The following ZSCAN25 variants were observed in gnomAD, a reference collection of about 807,000 sequenced individuals.
ZSCAN25 encodes zinc finger and SCAN domain containing 25, also known as zinc finger and SCAN domain-containing protein 25.
A neutral mutation model predicts 38.7 loss-of-function variants in ZSCAN25; 27 were observed. The ratio of observed to expected loss-of-function variants is 0.70; its 90% confidence interval spans 0.51 to 0.96. The LOEUF is 0.96. Ranked by LOEUF, ZSCAN25 falls within the 40% of genes least tolerant of loss-of-function variation. The pLI is 0.00. For missense variants in ZSCAN25, 637 were observed against 705.9 expected (o/e 0.90, Z 1.11); for synonymous variants, 273 against 277.7 (o/e 0.98, Z 0.17).
the ZSCAN25 span, chr7:99,710,658 C>T: frequency 6.2e-7 from 1 of 1,609,938 alleles, no homozygotes; most frequent in South Asian, 1.1e-5. Flanking sequence ...TAAAAATTCT[C>T]CTGGGAAGTG....
the ZSCAN25 span, among the ~76,000 whole-genome samples, chr7:99,669,287 G>A: frequency 2.2e-4 from 33 of 152,268 alleles, no homozygotes; most frequent in Admixed American, 8.5e-4. Flanking sequence ...ATGCAAAAAC[G>A]TGCTGACAAA....
chr7:99,628,239 A>G (rs1414475746), intron 7 of ZSCAN25, among the ~76,000 whole-genome samples: 2 of 152,230 alleles, frequency 1.3e-5, no homozygotes, highest in Non-Finnish European at 2.9e-5. Flanking sequence ...GCTGATAAGT[A>G]TGTATTTCAT....
chr7:99,679,764 A>G, the ZSCAN25 span: 6 of 1,486,754 alleles, frequency 4.0e-6, no homozygotes, highest in Non-Finnish European at 4.7e-6. Context: ...ATAAGGGAAA[A>G]GGGGCCCGAT....
intron 4 of ZSCAN25, 32 bp from the exon 5 acceptor site, chr7:99,621,341 T>G (rs752358533): frequency 7.5e-7 from 1 of 1,328,906 alleles, no homozygotes; most frequent in Non-Finnish European, 9.7e-7. Context: ...TGCCCAGGCC[T>G]CATTCTAATC....
chr7:99,654,853 A>C, the ZSCAN25 span, among the ~76,000 whole-genome samples: 6 of 152,120 alleles, frequency 3.9e-5, no homozygotes, highest in Non-Finnish European at 7.4e-5. Context: ...ACATTTTTTC[A>C]TGTGTCTATT....
chr7:99,707,811 C>T, the ZSCAN25 span: 1 of 1,613,698 alleles, frequency 6.2e-7, no homozygotes, highest in Middle Eastern at 1.7e-4. Context: ...AATTGACTGA[C>T]CTGTGTTTCT....
the ZSCAN25 span, among the ~76,000 whole-genome samples, chr7:99,712,020 A>G: frequency 1.3e-5 from 2 of 152,176 alleles, no homozygotes; most frequent in African/African-American, 4.8e-5. Flanking sequence ...GTGGTGATTG[A>G]TTGCAGTCTG....
At chr7:99,641,824 C>T in the ZSCAN25 span, among the ~76,000 whole-genome samples, 1 of 152,206 alleles carries the variant, frequency 6.6e-6, no homozygotes, top group Non-Finnish European at 1.5e-5. Context: ...GCTTCAGGTC[C>T]AATCCACCAT....
chr7:99,619,728 T>C lies in ZSCAN25; in HGVS notation c.122T>C (p.Phe41Ser). ...RGREDPSPET[F>S]RLRFRQFRYQ... ...AGGGAGGACCCTAGTCCAGAGACTTTTCGGCTGAGGTTTCGGCAGTTCCGC... is the reference window on the plus strand; with the variant it reads ...AGGGAGGACCCTAGTCCAGAGACTTCTCGGCTGAGGTTTCGGCAGTTCCGC... Residue 41 changes from phenylalanine (F) to serine (S), a missense_variant, in exon 4 of 8, where the codon TTT (phenylalanine) becomes TCT (serine). Transcript: ENST00000394152. The C allele has an allele frequency of 6.2e-7, 1 of 1,614,248 alleles. No individual in the cohort carries two copies. Among genetic ancestry groups the C allele is most frequent in the Non-Finnish European group, 8.5e-7 (1 of 1,180,038 alleles).
At chr7:99,688,780 C>T in the ZSCAN25 span, among the ~76,000 whole-genome samples, 17 of 152,170 alleles carry the variant, frequency 1.1e-4, no homozygotes, top group Admixed American at 8.5e-4. Flanking sequence ...AAGCACTCCT[C>T]AGCAAATGTA....
At chr7:99,674,939 A>G in the ZSCAN25 span, among the ~76,000 whole-genome samples, 1 of 152,226 alleles carries the variant, frequency 6.6e-6, no homozygotes, top group African/African-American at 2.4e-5. Flanking sequence ...GGTGAAACTG[A>G]GGTGAGGAAA....
In ZSCAN25 at chr7:99,631,361, A is replaced by T. The variant is rs1807984194; in HGVS notation, c.*1341A>T. 1 of 985,160 alleles carries T rather than the reference A, an allele frequency of 1.0e-6. No individual in the cohort carries two copies. The highest frequency in any genetic ancestry group is 1.2e-6 in the Non-Finnish European group (1 of 829,786). The allele number at this position is 985,160 out of a possible 1,614,324, so 61.0% of individuals were successfully genotyped here. The stretch of plus-strand genomic sequence containing the variant: ...AAGATATTTGTAGGCATTAAAAAAA[A>T]ATACATTTCTTTAAAAATGAGAAGA... On this transcript the variant is annotated 3_prime_UTR_variant, in exon 8 of 8. Transcript: ENST00000394152.
chr7:99,633,364 C>A (rs1281157060), downstream of ZSCAN25, among the ~76,000 whole-genome samples: 1 of 152,116 alleles, frequency 6.6e-6, no homozygotes, highest in Non-Finnish European at 1.5e-5. Context: ...TCTGTAAATG[C>A]TTCATCATTT....
chr7:99,677,310 A>G, the ZSCAN25 span: 9 of 946,262 alleles, frequency 9.5e-6, no homozygotes, highest in African/African-American at 1.8e-5. Context: ...CTAGCCCCAC[A>G]CAGTTGGCTC....
chr7:99,646,695 A>G, the ZSCAN25 span, among the ~76,000 whole-genome samples: 1 of 152,078 alleles, frequency 6.6e-6, no homozygotes, highest in Non-Finnish European at 1.5e-5. Flanking sequence ...TTCAGTGGAA[A>G]ATGATATTCA....
chr7:99,666,950 A>G, the ZSCAN25 span: 279 of 1,613,102 alleles, frequency 1.7e-4, 1 homozygote, highest in East Asian at 5.9e-3. Flanking sequence ...TTATTTTCAT[A>G]CCTCCTTGAG....
At chr7:99,694,945 C>T in the ZSCAN25 span, among the ~76,000 whole-genome samples, 1 of 151,904 alleles carries the variant, frequency 6.6e-6, no homozygotes, top group Admixed American at 6.6e-5. Flanking sequence ...ATCAAATTAT[C>T]ACCTTTCTAG....
chr7:99,632,986 G>GTTTTTTTTTTTTTTTTTTGTTTT (rs201141594), downstream of ZSCAN25, among the ~76,000 whole-genome samples: 1 of 141,482 alleles, frequency 7.1e-6, no homozygotes, highest in South Asian at 2.4e-4. Context: ...TGCATTTTCT[G>GTTTTTTTTTTTTTTTTTTGTTTT]TTGTTTTTTT....
At chr7:99,649,550 G>C in the ZSCAN25 span, among the ~76,000 whole-genome samples, 1 of 152,274 alleles carries the variant, frequency 6.6e-6, no homozygotes, top group East Asian at 1.9e-4. Flanking sequence ...TTGGCTTCAC[G>C]TGAGAACTAA....
Sources: gnomAD v4.1 joint callset for allele counts (sites outside exome capture counted in the v4.1 genomes callset) on GRCh38, gnomAD v4.1.1 for gene constraint, MANE v1.5 for transcripts, NCBI Gene and HGNC (gene_info 2026-07-23, HGNC 2026-07-21) for gene names.